ACTR3C: variants seen among roughly 807,000 people sequenced by gnomAD.
The protein encoded by ACTR3C is actin-related protein 3C.
ACTR3C carries 18 observed loss-of-function variants against 26.3 expected under a neutral mutation model. The ratio of observed to expected loss-of-function variants is 0.68; its 90% CI spans 0.47 to 1.01. The LOEUF is 1.01. Ranked by LOEUF, ACTR3C falls within the 50% of genes least tolerant of loss-of-function variation. ACTR3C has a pLI of 0.00. For synonymous variants in ACTR3C, 55 were observed against 94.5 expected (o/e 0.58, Z 2.42); for missense variants, 184 against 250.7 (o/e 0.73, Z 1.80).
At chr7:150,152,534 T>C in the ACTR3C span, among the ~76,000 whole-genome samples, 1 of 152,204 alleles carries the variant, frequency 6.6e-6, no homozygotes, top group East Asian at 1.9e-4. Flanking sequence ...CTGCTGGATT[T>C]GGTTTGCCAG....
the ACTR3C span, among the ~76,000 whole-genome samples, chr7:149,937,180 T>C: frequency 1.9e-5 from 1 of 52,960 alleles, no homozygotes; most frequent in Admixed American, 2.8e-4. Context: ...AGAAGGACCC[T>C]GTATTTGTAG....
the ACTR3C span, among the ~76,000 whole-genome samples, chr7:149,978,444 T>TA: frequency 9.3e-5 from 14 of 151,308 alleles, no homozygotes; most frequent in Admixed American, 2.0e-4. Flanking sequence ...TCATGTTTTA[T>TA]AAAAATGCCA....
chr7:149,938,417 T>C, the ACTR3C span, among the ~76,000 whole-genome samples: 1 of 138,540 alleles, frequency 7.2e-6, no homozygotes, highest in Admixed American at 7.7e-5. Flanking sequence ...TATAGTAATG[T>C]TTTGCATTCA....
At chr7:150,115,673 TCATTGGAAAATAGAAAGA>T in the ACTR3C span, among the ~76,000 whole-genome samples, 1 of 152,244 alleles carries the variant, frequency 6.6e-6, no homozygotes, top group Admixed American at 6.5e-5. Flanking sequence ...ACCTCCACTC[TCATTGGAAAATAGAAAGA>T]CACATCACAT....
chr7:149,888,657 A>C, the ACTR3C span, among the ~76,000 whole-genome samples: 11 of 152,196 alleles, frequency 7.2e-5, no homozygotes, highest in African/African-American at 2.7e-4. Context: ...CAGGGAAGGA[A>C]GGAGGAAGTG....
At chr7:149,923,514 G>T in the ACTR3C span, among the ~76,000 whole-genome samples, 394 of 152,216 alleles carry the variant, frequency 2.6e-3, 3 homozygotes, top group African/African-American at 9.2e-3. Context: ...CAATTAGAAG[G>T]CTACTTGATA....
At chr7:150,043,344 T>A in the ACTR3C span, among the ~76,000 whole-genome samples, 3 of 151,086 alleles carry the variant, frequency 2.0e-5, no homozygotes, top group South Asian at 6.4e-4. Flanking sequence ...CCCCACCCTG[T>A]GATGGGGGTC....
At chr7:150,041,944 C>G in the ACTR3C span, among the ~76,000 whole-genome samples, 7 of 150,000 alleles carry the variant, frequency 4.7e-5, no homozygotes, top group African/African-American at 1.7e-4. Context: ...TCAGTAATCC[C>G]ACGTAAGGTA....
the ACTR3C span, chr7:150,004,476 A>T: frequency 3.9e-5 from 6 of 152,272 alleles, no homozygotes; most frequent in African/African-American, 1.4e-4. Context: ...CATTGTAATA[A>T]TACTTGACTT....
the ACTR3C span, among the ~76,000 whole-genome samples, chr7:150,111,565 G>A: frequency 1.1e-5 from 1 of 87,922 alleles, no homozygotes; most frequent in Non-Finnish European, 2.2e-5. Context: ...CCCACTCACA[G>A]TGACACACAC....
intron 1 of ACTR3C, among the ~76,000 whole-genome samples, chr7:150,308,983 T>C (rs1796049747): frequency 1.3e-5 from 2 of 152,172 alleles, no homozygotes. Context: ...GTGATTTAAA[T>C]GTCATCCTGA....
intron 1 of ACTR3C, among the ~76,000 whole-genome samples, chr7:150,300,890 C>T (rs189743345): frequency 1.8e-4 from 27 of 152,046 alleles, no homozygotes; most frequent in South Asian, 4.2e-4. Context: ...TAAATGTTAG[C>T]GATTACTACT....
chr7:150,119,185 G>A, the ACTR3C span, among the ~76,000 whole-genome samples: 1 of 151,946 alleles, frequency 6.6e-6, no homozygotes, highest in African/African-American at 2.4e-5. Flanking sequence ...TCAACTAATG[G>A]GCAAAATAAC....
At chr7:150,264,596 A>G (rs186590372) in intron 6 of ACTR3C, 2 of 976,196 alleles carry the variant, frequency 2.0e-6, no homozygotes, top group African/African-American at 1.8e-5. Flanking sequence ...TACTGTATAT[A>G]AATGTATATT....
At chr7:149,891,490 C>G in the ACTR3C span, 2 of 342,854 alleles carry the variant, frequency 5.8e-6, no homozygotes, top group Non-Finnish European at 5.7e-6. Context: ...TGTTCATATT[C>G]TCCTCCACTC....
chr7:150,085,560 C>T, the ACTR3C span, among the ~76,000 whole-genome samples: 2 of 152,132 alleles, frequency 1.3e-5, no homozygotes, highest in Non-Finnish European at 2.9e-5. Flanking sequence ...GGTTTGAGAA[C>T]AACAACCAAT....
chr7:150,099,378 C>T, the ACTR3C span, among the ~76,000 whole-genome samples: 1 of 145,160 alleles, frequency 6.9e-6, no homozygotes, highest in Non-Finnish European at 1.5e-5. Flanking sequence ...CATGAAAAGA[C>T]ATTTTCACAC....
At chr7:149,937,034 C>T in the ACTR3C span, among the ~76,000 whole-genome samples, 1 of 152,228 alleles carries the variant, frequency 6.6e-6, no homozygotes, top group Non-Finnish European at 1.5e-5. Flanking sequence ...AAGAAATCCT[C>T]CTGCCTTGGC....
the ACTR3C span, among the ~76,000 whole-genome samples, chr7:149,955,217 G>A: frequency 2.0e-5 from 3 of 152,216 alleles, no homozygotes; most frequent in Non-Finnish European, 4.4e-5. Context: ...GAGCTGCGTG[G>A]GGGCCTCTGC....
Sources: allele counts gnomAD v4.1 joint callset (sites outside exome capture counted in the v4.1 genomes callset), GRCh38; gene constraint gnomAD v4.1.1; transcripts MANE v1.5; gene names NCBI Gene and HGNC (gene_info 2026-07-23, HGNC 2026-07-21).